Variants in SPOCK1 observed in about 807,000 individuals in gnomAD.
SPOCK1 encodes testican-1.
Under a neutral mutation model 55.3 loss-of-function variants are expected in SPOCK1, and 23 were observed. That is an observed-to-expected ratio of 0.42 (90% CI 0.30 to 0.59). The LOEUF is 0.59. Among genes scored for constraint, SPOCK1 ranks in the 20% least tolerant of loss-of-function variants. The pLI is 0.22. For missense variants in SPOCK1, 499 were observed against 552.5 expected (o/e 0.90, Z 0.97); for synonymous variants, 226 against 221.0 (o/e 1.02, Z -0.20).
intron 5 of SPOCK1, among the ~76,000 whole-genome samples, chr5:137,104,449 C>A (rs1753327782): frequency 6.6e-6 from 1 of 152,132 alleles, no homozygotes; most frequent in Non-Finnish European, 1.5e-5. Flanking sequence ...AGATAATGGA[C>A]TAATACAAAC....
chr5:137,149,703 A>G (rs1267535729), intron 3 of SPOCK1, among the ~76,000 whole-genome samples: 1 of 152,214 alleles, frequency 6.6e-6, no homozygotes, highest in South Asian at 2.1e-4. Flanking sequence ...TTATTCTGAC[A>G]TTATTCAGCA....
intron 2 of SPOCK1, among the ~76,000 whole-genome samples, chr5:137,472,666 C>A (rs1437136524): frequency 6.6e-6 from 1 of 152,222 alleles, no homozygotes; most frequent in Non-Finnish European, 1.5e-5. Context: ...TAAGATTATT[C>A]ATTACAGCAT....
In SPOCK1 at chr5:137,288,764, A is replaced by G. The variant is rs1007881471; in HGVS notation, c.187-21709T>C. On this transcript the variant is annotated intron_variant, in intron 2 of 10. Coordinates refer to ENST00000394945, the MANE Select transcript of SPOCK1 (RefSeq NM_004598.4). ...ACCTCCAGGCTCTCCTAACTGTACCAGGGGAACAGGACACAATGCCATCTG... is the reference window on the plus strand; with the variant it reads ...ACCTCCAGGCTCTCCTAACTGTACCGGGGGAACAGGACACAATGCCATCTG... 3.9e-5 allele frequency among the ~76,000 whole-genome samples: 6 copies of G among 152,206 alleles called. 1 individual carries two copies. Among genetic ancestry groups the G allele is most frequent in the Admixed American group, 3.9e-4 (6 of 15,286 alleles).
intron 2 of SPOCK1, among the ~76,000 whole-genome samples, chr5:137,313,750 G>A (rs1580861953): frequency 6.7e-6 from 1 of 149,944 alleles, no homozygotes; most frequent in East Asian, 2.0e-4. Context: ...TTGGACCAAG[G>A]GCATTTACAA....
At chr5:137,160,481 G>T in intron 3 of SPOCK1, among the ~76,000 whole-genome samples, 1 of 101,826 alleles carries the variant, frequency 9.8e-6, no homozygotes, top group Non-Finnish European at 1.9e-5. Context: ...CAGTTGAAAT[G>T]CAGCCAACAC....
chr5:137,293,272 G>A (rs931604334), intron 2 of SPOCK1, among the ~76,000 whole-genome samples: 1 of 151,984 alleles, frequency 6.6e-6, no homozygotes, highest in Admixed American at 6.6e-5. Flanking sequence ...CTGTCTCCAG[G>A]GGAGTTCACA....
At chr5:137,014,773 G>T (rs1229065689) in intron 6 of SPOCK1, among the ~76,000 whole-genome samples, 1 of 152,194 alleles carries the variant, frequency 6.6e-6, no homozygotes, top group Non-Finnish European at 1.5e-5. Flanking sequence ...ATTCCTGAGA[G>T]GGTCAGAATA....
At chr5:137,356,829 A>AGAGAGAGG (rs1561513845) in intron 2 of SPOCK1, among the ~76,000 whole-genome samples, 12 of 47,562 alleles carry the variant, frequency 2.5e-4, no homozygotes, top group African/African-American at 9.4e-4. Context: ...ATATATATAT[A>AGAGAGAGG]TATATATATA....
At chr5:137,458,717 G>C (rs556387421) in intron 2 of SPOCK1, among the ~76,000 whole-genome samples, 2 of 152,168 alleles carry the variant, frequency 1.3e-5, no homozygotes, top group East Asian at 3.9e-4. Flanking sequence ...TAACATTCTT[G>C]GGTGTATCAC....
rs1431309814 is a variant in SPOCK1 at position 137,140,613 on chromosome 5, G to T, written c.314C>A (p.Ala105Asp). The T allele has an allele frequency of 6.2e-7, 1 of 1,613,954 alleles. No individual in the cohort carries two copies. The highest frequency in any genetic ancestry group is 8.5e-7 in the Non-Finnish European group (1 of 1,179,962). ...KVCVTQDYQT[A>D]LCVSRKHLLP... The stretch of plus-strand genomic sequence containing the variant: ...CAGGTGCTTGCGGCTGACACACAGG[G>T]CGGTCTGGTAGTCCTGGGTCACACA... The change falls in exon 4 of 11, where the codon GCC becomes GAC. Residue 105 changes from alanine (A) to aspartate (D), a missense_variant. This residue lies in a region of SPOCK1 where 386 missense variants were observed against 400.6 expected (regional missense o/e 0.96). Transcript: ENST00000394945.
chr5:137,024,626 T>TA lies in SPOCK1; in HGVS notation c.590-32027dup, dbSNP rs201819157. Among the ~76,000 whole-genome samples, 1,109 of 146,002 alleles carry TA rather than the reference T, an allele frequency of 7.6e-3. 10 individuals carry two copies. Among genetic ancestry groups the TA allele is most frequent in the African/African-American group, 0.026 (1,048 of 39,730 alleles). The stretch of plus-strand genomic sequence containing the variant: ...CTGACATGTAAAAAAAAAAAAAAAG[T>TA]AGAAGAACCACAAAGCTAGAAGGGG... On this transcript the variant is annotated intron_variant, in intron 6 of 10. Coordinates refer to ENST00000394945, the MANE Select transcript of SPOCK1 (RefSeq NM_004598.4).
Position 137,498,417 on chromosome 5 carries a change from C to A in SPOCK1, c.142G>T (p.Val48Phe). The change falls in exon 2 of 11, where the codon GTC becomes TTC. Residue 48 changes from valine to phenylalanine, a missense_variant. Transcript: ENST00000394945. ...FLDNDQWLST[V>F]SQYDRDKYWN... ...TACTTGTCCCGGTCGTACTGGGAGA[C>A]GGTGCTCAGCCACTGGTCATTGTCT... 6.2e-7 allele frequency: 1 copy of A among 1,608,250 alleles called. No individual in the cohort carries two copies. The highest frequency in any genetic ancestry group is 1.1e-5 in the South Asian group (1 of 90,194).
At chr5:137,052,882 A>AT (rs1054976201) in intron 6 of SPOCK1, among the ~76,000 whole-genome samples, 20 of 149,982 alleles carry the variant, frequency 1.3e-4, no homozygotes, top group East Asian at 7.8e-4. Context: ...TATAACTCCT[A>AT]TTTTTTTTTA....
intron 3 of SPOCK1, among the ~76,000 whole-genome samples, chr5:137,178,213 A>T (rs990317149): frequency 2.0e-5 from 3 of 152,154 alleles, no homozygotes; most frequent in African/African-American, 7.2e-5. Context: ...TTTCACATTG[A>T]TTCTCCTGCT....
intron 4 of SPOCK1, among the ~76,000 whole-genome samples, chr5:137,122,260 C>CAT (rs1753701058): frequency 6.6e-6 from 1 of 151,018 alleles, no homozygotes; most frequent in Admixed American, 6.6e-5. Context: ...CACACACGCA[C>CAT]ACACACACAC....
intron 2 of SPOCK1, among the ~76,000 whole-genome samples, chr5:137,333,173 A>G (rs1226697332): frequency 6.6e-6 from 1 of 152,236 alleles, no homozygotes; most frequent in Non-Finnish European, 1.5e-5. Flanking sequence ...CCACCAGGCA[A>G]AAGGGCCTAA....
chr5:136,984,242 G>A (rs372118312), intron 9 of SPOCK1, among the ~76,000 whole-genome samples: 3 of 152,160 alleles, frequency 2.0e-5, no homozygotes, highest in South Asian at 4.2e-4. Context: ...GAAAATCACC[G>A]GAATTCATAG....
Position 137,246,135 on chromosome 5 carries a change from A to C in SPOCK1, c.232+20875T>G, listed in dbSNP as rs144133389. On this transcript the variant is annotated intron_variant, in intron 3 of 10. Transcript: ENST00000394945. Reference sequence around the variant, plus strand: ...ATAGTCAACTCTATCTACTGAGAGGAAACAGCAGAATGGACACACTTCAGG... The same window carrying C: ...ATAGTCAACTCTATCTACTGAGAGGCAACAGCAGAATGGACACACTTCAGG... Among the ~76,000 whole-genome samples, 113 of 152,354 alleles carry C rather than the reference A, an allele frequency of 7.4e-4. No homozygotes were observed. In the East Asian group the frequency reaches 0.02, roughly 27 times the overall value.
intron 2 of SPOCK1, among the ~76,000 whole-genome samples, chr5:137,333,093 T>G (rs1758217278): frequency 6.6e-6 from 1 of 152,186 alleles, no homozygotes; most frequent in Non-Finnish European, 1.5e-5. Flanking sequence ...AAGTTGGGCC[T>G]GGGAGTCTGT....
Sources: allele counts gnomAD v4.1 joint callset (sites outside exome capture counted in the v4.1 genomes callset), GRCh38; gene constraint gnomAD v4.1.1; regional missense constraint gnomAD v4.1.1; transcripts MANE v1.5; gene names NCBI Gene and HGNC (gene_info 2026-07-23, HGNC 2026-07-21).